Variants in FREM1 observed in about 807,000 individuals in gnomAD.
FREM1 encodes FRAS1 related extracellular matrix 1.
Under a neutral mutation model 210.1 loss-of-function variants are expected in FREM1, and 220 were observed. That is an observed-to-expected ratio of 1.05 (90% CI 0.94 to 1.17). The LOEUF (loss-of-function observed/expected upper bound fraction) is 1.17, where lower values mean the gene tolerates loss of function less well. Among genes scored for constraint, FREM1 ranks in the 50% most tolerant of loss-of-function variants. FREM1 has a pLI of 0.00. For synonymous variants in FREM1, 1,189 were observed against 980.2 expected (o/e 1.21, Z -3.98); for missense variants, 3,454 against 2,675.5 (o/e 1.29, Z -6.42).
At chr9:14,743,700 T>G (rs538563841) in intron 35 of FREM1, among the ~76,000 whole-genome samples, 296 of 152,228 alleles carry the variant, frequency 1.9e-3, no homozygotes, top group African/African-American at 6.8e-3. Context: ...TTCATCTACA[T>G]TTTATCAACA....
chr9:14,876,702 T>A lies in FREM1; in HGVS notation c.-267-7458A>T, dbSNP rs149429253. Among the ~76,000 whole-genome samples, 418 of 152,280 alleles carry A rather than the reference T, an allele frequency of 2.7e-3. 1 individual carries two copies. Among genetic ancestry groups the A allele is most frequent in the Middle Eastern group, 6.8e-3 (2 of 294 alleles). ...TGCACCCACTGTCCTGCGCCCACTGTCTGGCACTCCCTAGTGAGATGAACC... is the reference window on the plus strand; with the variant it reads ...TGCACCCACTGTCCTGCGCCCACTGACTGGCACTCCCTAGTGAGATGAACC... On this transcript the variant is annotated intron_variant, in intron 1 of 36. Transcript: ENST00000380880.
chr9:14,800,890 A>C (rs969177833), intron 20 of FREM1, among the ~76,000 whole-genome samples: 2 of 152,126 alleles, frequency 1.3e-5, no homozygotes, highest in African/African-American at 2.4e-5. Context: ...AATTATTTTA[A>C]AATTTTTATT....
At chr9:14,863,334 C>T (rs1362797762) in intron 3 of FREM1, among the ~76,000 whole-genome samples, 1 of 132,706 alleles carries the variant, frequency 7.5e-6, no homozygotes, top group African/African-American at 3.3e-5. Context: ...GAGCAAGACT[C>T]CGTCTCAAAA....
chr9:14,860,546 C>CATATATATATATACACAT (rs374788202), intron 3 of FREM1, among the ~76,000 whole-genome samples: 2 of 104,922 alleles, frequency 1.9e-5, no homozygotes, highest in East Asian at 5.8e-4. Context: ...TATATATACA[C>CATATATATATATACACAT]ATATATATAC....
At chr9:14,760,501 A>T (rs371057688) in intron 27 of FREM1, among the ~76,000 whole-genome samples, 1 of 152,204 alleles carries the variant, frequency 6.6e-6, no homozygotes, top group Non-Finnish European at 1.5e-5. Context: ...ATGCAACTAT[A>T]TAACTAAATA....
At chr9:14,887,843 A>T (rs1164089268) in intron 1 of FREM1, among the ~76,000 whole-genome samples, 1 of 152,134 alleles carries the variant, frequency 6.6e-6, no homozygotes. Context: ...TAAGTGACAT[A>T]ATGGAGTGCA....
intron 1 of FREM1, among the ~76,000 whole-genome samples, chr9:14,873,121 TA>T (rs1343546263): frequency 6.6e-6 from 1 of 152,202 alleles, no homozygotes; most frequent in Non-Finnish European, 1.5e-5. Flanking sequence ...GATATTGGTC[TA>T]AAATTCTCTT....
At chr9:14,827,899 G>C (rs1348975988) in intron 10 of FREM1, among the ~76,000 whole-genome samples, 2 of 152,216 alleles carry the variant, frequency 1.3e-5, no homozygotes, top group African/African-American at 4.8e-5. Context: ...CACCACTCTG[G>C]AGAACACAAG....
Position 14,842,407 on chromosome 9 carries a change from A to C in FREM1, c.1647T>G (p.Asp549Glu). The C allele has an allele frequency of 6.2e-6, 10 of 1,613,956 alleles. No individual in the cohort carries two copies. The highest frequency in any genetic ancestry group is 7.6e-6 in the Non-Finnish European group (9 of 1,179,830). ...AGATGTAGTCATCACTGGCGTCCACATCTGAAGCTCGCAGCATGGATCCCT... is the reference window on the plus strand; with the variant it reads ...AGATGTAGTCATCACTGGCGTCCACCTCTGAAGCTCGCAGCATGGATCCCT... ...LIQGSMLRAS[D>E]VDASDDYIFF... is the part of the protein sequence containing the mutation. The change falls in exon 9 of 37, where the codon GAT becomes GAG. Residue 549 changes from aspartate (D) to glutamate (E), a missense_variant. Coordinates refer to ENST00000380880, the MANE Select transcript of FREM1 (RefSeq NM_001379081.2).
chr9:14,844,265 G>A (rs1019101956), intron 8 of FREM1, among the ~76,000 whole-genome samples: 4 of 143,094 alleles, frequency 2.8e-5, no homozygotes, highest in African/African-American at 7.8e-5. Context: ...TCCCTCTGTC[G>A]CCCAGGCTGG....
intron 27 of FREM1, among the ~76,000 whole-genome samples, chr9:14,768,263 T>A (rs1846818403): frequency 2.1e-5 from 1 of 47,470 alleles, no homozygotes; most frequent in Non-Finnish European, 8.1e-5. Flanking sequence ...CTTGAATTAT[T>A]TTTAAAATGT....
At chr9:14,819,712 A>T (rs1820948275) in intron 13 of FREM1, among the ~76,000 whole-genome samples, 1 of 152,250 alleles carries the variant, frequency 6.6e-6, no homozygotes. Flanking sequence ...CATAGCCTGT[A>T]TAGTAGAATT....
chr9:14,740,812 T>C (rs1841439186), intron 35 of FREM1, among the ~76,000 whole-genome samples: 1 of 152,194 alleles, frequency 6.6e-6, no homozygotes, highest in African/African-American at 2.4e-5. Context: ...TTTACAAACA[T>C]ATGTAAAATA....
At chr9:14,908,832 T>A (rs1818241879) in intron 1 of FREM1, among the ~76,000 whole-genome samples, 1 of 152,198 alleles carries the variant, frequency 6.6e-6, no homozygotes, top group Non-Finnish European at 1.5e-5. Context: ...GCCTGGGAAC[T>A]GAGAACCTGC....
chr9:14,801,581 T>C, intron 20 of FREM1, 71 bp downstream of exon 20: 1 of 1,069,782 alleles, frequency 9.3e-7, no homozygotes, highest in Non-Finnish European at 1.4e-6. Flanking sequence ...CCTTTTTAGA[T>C]TTCACATATA....
chr9:14,814,116 G>T (rs2133600901), intron 15 of FREM1, among the ~76,000 whole-genome samples: 1 of 152,206 alleles, frequency 6.6e-6, no homozygotes, highest in South Asian at 2.1e-4. Context: ...CCAACTCTTT[G>T]CTTGGTTAAC....
In FREM1 at chr9:14,775,981, G is replaced by C. The variant is rs1038138467; in HGVS notation, c.4665C>G (p.Leu1555=). The C allele has an allele frequency of 6.2e-7, 1 of 1,614,038 alleles. No homozygotes were observed. Among genetic ancestry groups the C allele is most frequent in the Non-Finnish European group, 8.5e-7 (1 of 1,179,892 alleles). Residue 1555 remains leucine, a synonymous_variant, in exon 25 of 37, where the codon CTC becomes CTG. Coordinates refer to ENST00000380880, the MANE Select transcript of FREM1 (RefSeq NM_001379081.2). ...GAAGTAGCCCTGTCCCCCACAGGTAGAGCTGGCCATGCTGGGGGAGCTGAA... is the reference window on the plus strand; with the variant it reads ...GAAGTAGCCCTGTCCCCCACAGGTACAGCTGGCCATGCTGGGGGAGCTGAA... The part of the protein sequence containing the change: ...LLVQLPQHGQ[L]YLWGTGLLQH...
chr9:14,875,245 T>C (rs1833476241), intron 1 of FREM1, among the ~76,000 whole-genome samples: 1 of 152,206 alleles, frequency 6.6e-6, no homozygotes, highest in Non-Finnish European at 1.5e-5. Flanking sequence ...TTTTCCTGGA[T>C]AATATCTTGC....
At chr9:14,826,561 T>C (rs1822494155) in intron 10 of FREM1, among the ~76,000 whole-genome samples, 1 of 152,226 alleles carries the variant, frequency 6.6e-6, no homozygotes, top group African/African-American at 2.4e-5. Flanking sequence ...CTTTCTCCAA[T>C]TTTTCAGTTG....
Sources: gnomAD v4.1 joint callset for allele counts (sites outside exome capture counted in the v4.1 genomes callset) on GRCh38, gnomAD v4.1.1 for gene constraint, MANE v1.5 for transcripts, NCBI Gene and HGNC (gene_info 2026-07-23, HGNC 2026-07-21) for gene names.